Variants in LRRC8D observed in about 807,000 individuals in gnomAD.
LRRC8D encodes leucine rich repeat containing 8 VRAC subunit D, also known as volume-regulated anion channel subunit LRRC8D.
A neutral mutation model predicts 55.8 loss-of-function variants in LRRC8D; 20 were observed. The ratio of observed to expected loss-of-function variants is 0.36; its 90% confidence interval spans 0.25 to 0.52. LRRC8D has a LOEUF of 0.52. Among genes scored for constraint, LRRC8D ranks in the 20% least tolerant of loss-of-function variants. The pLI is 0.93. For missense variants in LRRC8D, 651 were observed against 1,030.8 expected (o/e 0.63, Z 5.05); for synonymous variants, 352 against 377.0 (o/e 0.93, Z 0.77).
intron 2 of LRRC8D, among the ~76,000 whole-genome samples, chr1:89,877,232 C>CTT (rs367807464): frequency 1.4e-5 from 2 of 144,212 alleles, no homozygotes; most frequent in African/African-American, 2.6e-5. Flanking sequence ...CTCTCTCTCT[C>CTT]TTTTTTTTTT....
intron 2 of LRRC8D, among the ~76,000 whole-genome samples, chr1:89,926,479 G>A (rs759035132): frequency 6.6e-6 from 1 of 152,246 alleles, no homozygotes; most frequent in Non-Finnish European, 1.5e-5. Flanking sequence ...GGAAGGGATG[G>A]TGGTGATTAC....
chr1:89,907,993 A>G (rs1663037157), intron 2 of LRRC8D, among the ~76,000 whole-genome samples: 1 of 152,202 alleles, frequency 6.6e-6, no homozygotes, highest in Non-Finnish European at 1.5e-5. Flanking sequence ...TACCACTCGT[A>G]TGTTGCCAGA....
chr1:89,880,365 G>A (rs942820559), intron 2 of LRRC8D, among the ~76,000 whole-genome samples: 3 of 151,792 alleles, frequency 2.0e-5, no homozygotes. Flanking sequence ...TTGGAGTGAT[G>A]AGCTTTAGAT....
At chr1:89,915,458 A>G (rs1049988181) in intron 2 of LRRC8D, among the ~76,000 whole-genome samples, 23 of 152,256 alleles carry the variant, frequency 1.5e-4, no homozygotes, top group Admixed American at 2.0e-4. Flanking sequence ...AATTACTCCA[A>G]TAATGATCAC....
At chr1:89,828,735 A>C (rs1027991932) in intron 1 of LRRC8D, among the ~76,000 whole-genome samples, 1 of 152,152 alleles carries the variant, frequency 6.6e-6, no homozygotes, top group Non-Finnish European at 1.5e-5. Context: ...GTTAGGTTCC[A>C]TTACAAGCAT....
chr1:89,898,638 A>T (rs1662773561), intron 2 of LRRC8D, among the ~76,000 whole-genome samples: 1 of 152,206 alleles, frequency 6.6e-6, no homozygotes, highest in African/African-American at 2.4e-5. Context: ...TCATAGACTG[A>T]TCCAAAAGAA....
intron 1 of LRRC8D, among the ~76,000 whole-genome samples, chr1:89,840,511 C>T (rs901850307): frequency 6.6e-6 from 1 of 152,192 alleles, no homozygotes; most frequent in Non-Finnish European, 1.5e-5. Context: ...TCCCCCACAG[C>T]TGGCCACTGC....
At chr1:89,899,640 T>G (rs1404507750) in intron 2 of LRRC8D, among the ~76,000 whole-genome samples, 1 of 152,242 alleles carries the variant, frequency 6.6e-6, no homozygotes, top group South Asian at 2.1e-4. Flanking sequence ...TTTGTGCATC[T>G]GTTCTTCAGT....
intron 2 of LRRC8D, among the ~76,000 whole-genome samples, chr1:89,850,359 C>T (rs1161148964): frequency 2.0e-5 from 3 of 152,130 alleles, no homozygotes; most frequent in African/African-American, 7.2e-5. Context: ...GTTTGTTATA[C>T]AGATTATTTT....
intron 1 of LRRC8D, among the ~76,000 whole-genome samples, chr1:89,826,363 C>T (rs1290367767): frequency 6.6e-6 from 1 of 152,096 alleles, no homozygotes; most frequent in Non-Finnish European, 1.5e-5. Context: ...CTCCCGGGTT[C>T]ACGCCATTCT....
chr1:89,883,084 C>G (rs1662324305), intron 2 of LRRC8D, among the ~76,000 whole-genome samples: 1 of 152,114 alleles, frequency 6.6e-6, no homozygotes, highest in African/African-American at 2.4e-5. Flanking sequence ...GTCCTGGCTA[C>G]TGAGGAGGCT....
intron 2 of LRRC8D, among the ~76,000 whole-genome samples, chr1:89,862,632 T>C (rs1489187534): frequency 6.6e-6 from 1 of 152,214 alleles, no homozygotes; most frequent in Non-Finnish European, 1.5e-5. Context: ...CTGTATCCAT[T>C]TTTGTCAGAT....
At chr1:89,889,577 G>GT (rs1194091601) in intron 2 of LRRC8D, among the ~76,000 whole-genome samples, 1 of 130,138 alleles carries the variant, frequency 7.7e-6, no homozygotes, top group African/African-American at 2.9e-5. Context: ...TTAAATGTTT[G>GT]TTTAAAAAAA....
At chr1:89,833,464 G>A (rs570083689) in intron 1 of LRRC8D, among the ~76,000 whole-genome samples, 2 of 152,308 alleles carry the variant, frequency 1.3e-5, no homozygotes, top group African/African-American at 4.8e-5. Context: ...GGTAGATTTG[G>A]TGAGCTTCTG....
intron 2 of LRRC8D, among the ~76,000 whole-genome samples, chr1:89,924,831 A>G (rs1431210873): frequency 6.6e-6 from 1 of 152,180 alleles, no homozygotes; most frequent in Non-Finnish European, 1.5e-5. Context: ...ACCAAATACC[A>G]CATGTTCTCA....
chr1:89,843,651 G>C lies in LRRC8D; in HGVS notation c.-134G>C. On this transcript the variant is annotated 5_prime_UTR_variant, in exon 2 of 3. Transcript: ENST00000337338. ...GTTTTCAAACAGGAAGTGCACGGCTGTCTATAACGTGCTGCCGGGTCTCAG... is the reference window on the plus strand; with the variant it reads ...GTTTTCAAACAGGAAGTGCACGGCTCTCTATAACGTGCTGCCGGGTCTCAG... The C allele has an allele frequency of 1.4e-6, 1 of 702,486 alleles. No homozygotes were observed. The highest frequency in any genetic ancestry group is 2.6e-6 in the Non-Finnish European group (1 of 384,918). The allele number at this position is 702,486 out of a possible 1,614,324, so 43.5% of individuals were successfully genotyped here. A position where few individuals can be genotyped will look rare whatever the true frequency, so the allele number is the denominator to read the frequency against.
At chr1:89,918,367 A>G (rs1364207832) in intron 2 of LRRC8D, among the ~76,000 whole-genome samples, 1 of 152,232 alleles carries the variant, frequency 6.6e-6, no homozygotes, top group East Asian at 1.9e-4. Flanking sequence ...GCCTTAACAC[A>G]TATGGCATTC....
intron 2 of LRRC8D, among the ~76,000 whole-genome samples, chr1:89,844,149 C>T (rs962939562): frequency 3.9e-5 from 6 of 152,322 alleles, no homozygotes; most frequent in East Asian, 3.9e-4. Flanking sequence ...CTTTGTTCCT[C>T]CCTTACTGGT....
chr1:89,851,946 A>C (rs1368988859), intron 2 of LRRC8D, among the ~76,000 whole-genome samples: 1 of 152,214 alleles, frequency 6.6e-6, no homozygotes, highest in Non-Finnish European at 1.5e-5. Context: ...AGGCTAAGAC[A>C]AAGATGTTAA....
Sources: allele counts gnomAD v4.1 joint callset (sites outside exome capture counted in the v4.1 genomes callset), GRCh38; gene constraint gnomAD v4.1.1; transcripts MANE v1.5; gene names NCBI Gene and HGNC (gene_info 2026-07-23, HGNC 2026-07-21).